The following DYNLT2B variants were observed in gnomAD, a reference collection of about 807,000 sequenced individuals.
DYNLT2B encodes the protein dynein light chain Tctex-type protein 2B.
In DYNLT2B, 14 loss-of-function variants were observed where a neutral mutation model predicts 19.5. The observed-to-expected ratio is 0.72, with a 90% CI of 0.47 to 1.12. The LOEUF (loss-of-function observed/expected upper bound fraction) is 1.12. Among genes scored for constraint, DYNLT2B ranks in the 50% most tolerant of loss-of-function variants. The pLI is 0.00. For synonymous variants in DYNLT2B, 70 were observed against 59.7 expected, an observed-to-expected ratio of 1.17 and a Z score of -0.79; for missense variants, 133 against 174.7, an observed-to-expected ratio of 0.76 and a Z score of 1.35.
At chr3:196,304,234 G>A (rs952188734) in intron 3 of DYNLT2B, among the ~76,000 whole-genome samples, 5 of 151,960 alleles carry the variant, frequency 3.3e-5, no homozygotes, top group Non-Finnish European at 5.9e-5. Context: ...CCAGGTTCAA[G>A]CAATTCTCCT....
At chr3:196,298,661 G>T (rs1726278408) in intron 3 of DYNLT2B, among the ~76,000 whole-genome samples, 3 of 151,988 alleles carry the variant, frequency 2.0e-5, no homozygotes, top group African/African-American at 7.3e-5. Flanking sequence ...AGAACAGTAA[G>T]AAAAGCTGGA....
At chr3:196,303,122 C>T (rs1448060533) in intron 3 of DYNLT2B, among the ~76,000 whole-genome samples, 1 of 151,998 alleles carries the variant, frequency 6.6e-6, no homozygotes, top group East Asian at 1.9e-4. Flanking sequence ...ACTGGCTCAT[C>T]TGATCTTGTG....
At chr3:196,304,873 T>TCTAC (rs766807142) in intron 3 of DYNLT2B, among the ~76,000 whole-genome samples, 20 of 151,998 alleles carry the variant, frequency 1.3e-4, no homozygotes, top group Admixed American at 8.5e-4. Context: ...TAAGCACTTA[T>TCTAC]CTACCTACCT....
chr3:196,315,945 T>A (rs541459359), intron 2 of DYNLT2B, 153 bp downstream of exon 2: 1 of 750,120 alleles, frequency 1.3e-6, no homozygotes, highest in African/African-American at 1.8e-5. Context: ...GCTCAAGCAA[T>A]CTTCCTGCCT....
At chr3:196,307,600 G>A (rs966829746) in intron 2 of DYNLT2B, among the ~76,000 whole-genome samples, 11 of 152,046 alleles carry the variant, frequency 7.2e-5, no homozygotes, top group African/African-American at 2.4e-4. Context: ...ACCGCGCCCG[G>A]TCAGATATAG....
chr3:196,299,759 G>A lies in DYNLT2B; in HGVS notation c.318-3690C>T, dbSNP rs568124376. ...ATCCTGGCTAACGTGGTGAAACCCC[G>A]TCTCTACTAAAAATACAAAAAATTA... On this transcript the variant is annotated intron_variant, in intron 3 of 4. Coordinates refer to ENST00000325318, the MANE Select transcript of DYNLT2B (RefSeq NM_152773.5). Among the ~76,000 whole-genome samples the A allele has an allele frequency of 2.0e-3, 309 of 151,718 alleles. 3 individuals carry two copies. The highest frequency in any genetic ancestry group is 0.011 in the South Asian group (54 of 4,774).
At chr3:196,294,089 C>T (rs905737347) in intron 4 of DYNLT2B, among the ~76,000 whole-genome samples, 8 of 151,954 alleles carry the variant, frequency 5.3e-5, no homozygotes, top group African/African-American at 1.7e-4. Flanking sequence ...CAGTGGCTCA[C>T]GCCTATAATC....
chr3:196,296,281 A>C (rs939798803), intron 3 of DYNLT2B: 1 of 493,766 alleles, frequency 2.0e-6, no homozygotes, highest in Non-Finnish European at 3.6e-6. Flanking sequence ...GCTTGCAACT[A>C]GAGGTGACCA....
At chr3:196,301,191 A>G (rs1455198356) in intron 3 of DYNLT2B, among the ~76,000 whole-genome samples, 1 of 152,254 alleles carries the variant, frequency 6.6e-6, no homozygotes, top group East Asian at 1.9e-4. Context: ...TCAGCTCAGT[A>G]CCTGAAGCTA....
At chr3:196,299,570 G>A (rs1726300065) in intron 3 of DYNLT2B, among the ~76,000 whole-genome samples, 1 of 152,110 alleles carries the variant, frequency 6.6e-6, no homozygotes, top group Admixed American at 6.6e-5. Context: ...AGATTCTGGA[G>A]GGAAGATCCC....
At chr3:196,302,681 C>T (rs899665516) in intron 3 of DYNLT2B, among the ~76,000 whole-genome samples, 6 of 152,200 alleles carry the variant, frequency 3.9e-5, no homozygotes, top group Admixed American at 1.3e-4. Flanking sequence ...GTCATAACTC[C>T]CTGCTCTTTC....
At chr3:196,317,051 GGT>G (rs759135970) in intron 1 of DYNLT2B, among the ~76,000 whole-genome samples, 1,537 of 69,896 alleles carry the variant, frequency 0.022, 115 homozygotes, top group South Asian at 0.054. Context: ...TGTGTTGTGT[GGT>G]GTGTGTGTGG....
intron 4 of DYNLT2B, among the ~76,000 whole-genome samples, chr3:196,293,323 T>A (rs980249088): frequency 6.6e-6 from 1 of 152,074 alleles, no homozygotes; most frequent in African/African-American, 2.4e-5. Context: ...ATGAATTGTA[T>A]CATCTAAAGA....
chr3:196,310,561 T>C (rs1010495913), intron 2 of DYNLT2B, among the ~76,000 whole-genome samples: 23 of 151,746 alleles, frequency 1.5e-4, no homozygotes, highest in Admixed American at 1.1e-3. Context: ...TCTGAGTAGC[T>C]GGGATTACAG....
chr3:196,314,095 T>C (rs921681175), intron 2 of DYNLT2B, among the ~76,000 whole-genome samples: 5 of 150,264 alleles, frequency 3.3e-5, no homozygotes, highest in African/African-American at 7.3e-5. Flanking sequence ...CAAAACTCCA[T>C]CTCAAAAAAA....
chr3:196,311,039 A>G (rs1006309495), intron 2 of DYNLT2B, among the ~76,000 whole-genome samples: 10 of 152,098 alleles, frequency 6.6e-5, no homozygotes, highest in Non-Finnish European at 1.3e-4. Flanking sequence ...CCCAGCCTCA[A>G]TCAGGTTATT....
chr3:196,316,588 A>T (rs1726800520), intron 1 of DYNLT2B, among the ~76,000 whole-genome samples: 2 of 152,146 alleles, frequency 1.3e-5, no homozygotes, highest in East Asian at 1.9e-4. Flanking sequence ...AAAATAAAAT[A>T]AAAAAATACG....
At chr3:196,305,574 G>A (rs530344963) in intron 3 of DYNLT2B, 2 of 152,344 alleles carry the variant, frequency 1.3e-5, no homozygotes, top group Admixed American at 6.5e-5. Flanking sequence ...GCCAAGGTGG[G>A]TGGATCACCT....
chr3:196,297,112 G>A (rs370771296), intron 3 of DYNLT2B, among the ~76,000 whole-genome samples: 50 of 147,576 alleles, frequency 3.4e-4, no homozygotes, highest in African/African-American at 9.6e-4. Flanking sequence ...CCTGGGAGGC[G>A]GAGCTTGCAG....
Sources: gnomAD v4.1 joint callset for allele counts (sites outside exome capture counted in the v4.1 genomes callset) on GRCh38, gnomAD v4.1.1 for gene constraint, MANE v1.5 for transcripts, NCBI Gene and HGNC (gene_info 2026-07-23, HGNC 2026-07-21) for gene names.